Variants in AFF3 observed in about 807,000 individuals in gnomAD.
AFF3 encodes the protein ALF transcription elongation factor 3.
AFF3 carries 32 observed loss-of-function variants against 129.7 expected under a neutral mutation model. The ratio of observed to expected loss-of-function variants is 0.25; its 90% confidence interval spans 0.19 to 0.33. The LOEUF (loss-of-function observed/expected upper bound fraction) is 0.33, where lower values mean the gene tolerates loss of function less well. Ranked by LOEUF, AFF3 falls within the 10% of genes least tolerant of loss-of-function variation. The pLI, the probability that AFF3 is intolerant of heterozygous loss-of-function variation, is 1.00. For missense variants in AFF3, 1,373 were observed against 1,592.0 expected (o/e 0.86, Z 2.34); for synonymous variants, 644 against 635.4 (o/e 1.01, Z -0.20).
At chr2:100,085,825 G>C (rs1402990891) in intron 4 of AFF3, among the ~76,000 whole-genome samples, 1 of 151,926 alleles carries the variant, frequency 6.6e-6, no homozygotes, top group Non-Finnish European at 1.5e-5. Flanking sequence ...TTCAGAGCAG[G>C]GGCCACATTA....
At chr2:100,016,598 GGTGGTA>G (rs890181014) in intron 4 of AFF3, among the ~76,000 whole-genome samples, 9 of 149,452 alleles carry the variant, frequency 6.0e-5, no homozygotes, top group Admixed American at 2.0e-4. Flanking sequence ...TGATGGTGGT[GGTGGTA>G]GTGGTGGTAA....
At chr2:99,952,715 C>T (rs1676280131) in intron 7 of AFF3, among the ~76,000 whole-genome samples, 1 of 152,222 alleles carries the variant, frequency 6.6e-6, no homozygotes, top group African/African-American at 2.4e-5. Context: ...AGCCCTCTCA[C>T]ATGTCTCATG....
chr2:99,583,628 G>C (rs1191595879), intron 16 of AFF3, among the ~76,000 whole-genome samples: 1 of 151,984 alleles, frequency 6.6e-6, no homozygotes. Context: ...AAGGTGCCTC[G>C]GCCTCCCAAA....
Position 99,968,618 on chromosome 2 carries a change from C to T in AFF3, c.873+38014G>A, listed in dbSNP as rs568277425. Among the ~76,000 whole-genome samples the T allele has an allele frequency of 2.4e-3, 362 of 152,256 alleles. 2 individuals are homozygous for T. The highest frequency in any genetic ancestry group is 8.4e-3 in the African/African-American group (348 of 41,552). The stretch of plus-strand genomic sequence containing the variant: ...CTAGGAGTTGAGATGGCTTTCACTG[C>T]CCTGAAATAATTTAGCATGCAGGAA... On this transcript the variant is annotated intron_variant, in intron 7 of 24. Coordinates refer to ENST00000672756, the MANE Select transcript of AFF3 (RefSeq NM_001386135.1).
rs181426940 is a variant in AFF3, at chr2:100,042,556, C to A, written c.54-33624G>T. Among the ~76,000 whole-genome samples, 326 of 152,274 alleles carry A rather than the reference C, an allele frequency of 2.1e-3. 1 individual carries two copies. The highest frequency in any genetic ancestry group is 0.011 in the South Asian group (51 of 4,824). On this transcript the variant is annotated intron_variant, in intron 4 of 24. Coordinates refer to ENST00000672756, the MANE Select transcript of AFF3 (RefSeq NM_001386135.1). The stretch of plus-strand genomic sequence containing the variant: ...AGTTACAGACATGGCAGCCTACCCA[C>A]TGGGTGCTAATGATTGAGAAACAAG...
chr2:99,566,800 TA>T (rs1676010406), intron 19 of AFF3, among the ~76,000 whole-genome samples: 2 of 152,086 alleles, frequency 1.3e-5, no homozygotes, highest in Admixed American at 1.3e-4. Flanking sequence ...CAGAATGACA[TA>T]ATACTCAAAT....
intron 8 of AFF3, among the ~76,000 whole-genome samples, chr2:99,780,588 T>C (rs1684324565): frequency 6.6e-6 from 1 of 152,214 alleles, no homozygotes; most frequent in South Asian, 2.1e-4. Context: ...TCCACTCTGA[T>C]ATCTGAATAG....
intron 7 of AFF3, among the ~76,000 whole-genome samples, chr2:99,875,459 GT>G (rs1428045059): frequency 6.6e-6 from 1 of 152,048 alleles, no homozygotes; most frequent in Non-Finnish European, 1.5e-5. Context: ...TTTATTTACA[GT>G]TATCTATCTT....
chr2:99,705,250 G>T (rs188369624), intron 11 of AFF3, among the ~76,000 whole-genome samples: 1 of 152,204 alleles, frequency 6.6e-6, no homozygotes, highest in Non-Finnish European at 1.5e-5. Flanking sequence ...GAAATTAAAG[G>T]ATGGGAAAGG....
chr2:100,083,773 A>G (rs993074945), intron 4 of AFF3, among the ~76,000 whole-genome samples: 1 of 152,232 alleles, frequency 6.6e-6, no homozygotes, highest in East Asian at 1.9e-4. Flanking sequence ...CTCCAGGTTA[A>G]GGATCCTCAG....
intron 7 of AFF3, among the ~76,000 whole-genome samples, chr2:99,850,060 T>C (rs965645680): frequency 6.6e-6 from 1 of 152,210 alleles, no homozygotes; most frequent in Non-Finnish European, 1.5e-5. Flanking sequence ...GAATATGGAA[T>C]GTTATAGGGA....
chr2:99,566,687 G>C (rs1428407352), intron 19 of AFF3, among the ~76,000 whole-genome samples: 2 of 152,180 alleles, frequency 1.3e-5, no homozygotes, highest in Non-Finnish European at 2.9e-5. Flanking sequence ...TATGCATCAA[G>C]TTCCTGGTTC....
intron 13 of AFF3, among the ~76,000 whole-genome samples, chr2:99,620,195 C>T (rs1290804128): frequency 1.3e-5 from 2 of 152,344 alleles, no homozygotes; most frequent in South Asian, 2.1e-4. Flanking sequence ...TAGGAACCTG[C>T]ACACCAGGGC....
At chr2:100,066,222 T>C (rs1687704277) in intron 4 of AFF3, among the ~76,000 whole-genome samples, 1 of 152,234 alleles carries the variant, frequency 6.6e-6, no homozygotes, top group Admixed American at 6.5e-5. Context: ...CAATGAACTG[T>C]AATTTTAACT....
intron 7 of AFF3, among the ~76,000 whole-genome samples, chr2:99,974,901 G>A (rs1320288420): frequency 6.6e-6 from 1 of 152,168 alleles, no homozygotes; most frequent in African/African-American, 2.4e-5. Context: ...GTCTGGGAAA[G>A]GTATGGCAGT....
At chr2:99,791,240 C>T (rs139809673) in intron 8 of AFF3, among the ~76,000 whole-genome samples, 2 of 152,262 alleles carry the variant, frequency 1.3e-5, no homozygotes, top group East Asian at 1.9e-4. Context: ...AGTTGTCCCT[C>T]GCTACCCTTG....
At chr2:99,745,497 C>G (rs1414680022) in intron 9 of AFF3, among the ~76,000 whole-genome samples, 2 of 152,124 alleles carry the variant, frequency 1.3e-5, no homozygotes, top group African/African-American at 2.4e-5. Context: ...AGATTTAAAC[C>G]TATGTTTTCC....
At position 99,865,325 on chromosome 2, in the gene AFF3, C is replaced by G. The variant is rs541824793; in HGVS notation, c.874-27801G>C. Among the ~76,000 whole-genome samples, 4 of 152,342 alleles carry G rather than the reference C, an allele frequency of 2.6e-5. No individual in the cohort carries two copies. In the East Asian group the frequency reaches 7.7e-4, roughly 29 times the overall value. ...GACTCTTTGAAGCCTTCAAGGAAAACAGCAGGCAGCTTTGGCCCATGAGCA... is the reference window on the plus strand; with the variant it reads ...GACTCTTTGAAGCCTTCAAGGAAAAGAGCAGGCAGCTTTGGCCCATGAGCA... On this transcript the variant is annotated intron_variant, in intron 7 of 24. Transcript: ENST00000672756.
chr2:100,055,197 T>C (rs943571572), intron 4 of AFF3, among the ~76,000 whole-genome samples: 3 of 152,084 alleles, frequency 2.0e-5, no homozygotes, highest in African/African-American at 4.8e-5. Context: ...TTTTAGTACA[T>C]AGGGAAGGCC....
Sources: gnomAD v4.1 joint callset for allele counts (sites outside exome capture counted in the v4.1 genomes callset) on GRCh38, gnomAD v4.1.1 for gene constraint, MANE v1.5 for transcripts, NCBI Gene and HGNC (gene_info 2026-07-23, HGNC 2026-07-21) for gene names.